RXRB: variants seen among roughly 807,000 people sequenced by gnomAD.
RXRB encodes the protein retinoid X receptor beta.
RXRB carries 18 observed loss-of-function variants against 52.5 expected under a neutral mutation model. The ratio of observed to expected loss-of-function variants is 0.34; its 90% CI spans 0.24 to 0.51. RXRB has a LOEUF of 0.51. Ranked by LOEUF, RXRB falls within the 20% of genes least tolerant of loss-of-function variation. RXRB has a pLI of 0.97. For synonymous variants in RXRB, 233 were observed against 267.1 expected, an observed-to-expected ratio of 0.87 and a Z score of 1.25; for missense variants, 455 against 698.2, an observed-to-expected ratio of 0.65 and a Z score of 3.92.
intron 1 of RXRB, chr6:33,199,964 A>G: frequency 1.3e-6 from 1 of 748,540 alleles, no homozygotes. Context: ...TCTGCCTGTA[A>G]ACGCCCAAAG....
rs987570959 is a variant in RXRB, at chr6:33,196,680, C to T, written c.821-74G>A. ...TGAAGGGGTTCCACAAATATCCTTACGGCCTCATCAGGATCTCATGGCCCT... is the reference window on the plus strand; with the variant it reads ...TGAAGGGGTTCCACAAATATCCTTATGGCCTCATCAGGATCTCATGGCCCT... On this transcript the variant is annotated intron_variant, in intron 4 of 9. Coordinates refer to ENST00000374680, the MANE Select transcript of RXRB (RefSeq NM_021976.5). This position sits in a 1 kb window ranked among gnomAD's most constrained non-coding sequence, Gnocchi z 4.0. 14 of 1,310,778 alleles carry T rather than the reference C, an allele frequency of 1.1e-5. No homozygotes were observed. The highest frequency in any genetic ancestry group is 4.6e-5 in the East Asian group (2 of 43,170). 81.2% of individuals were successfully genotyped at this position (1,310,778 alleles called of 1,614,324 possible).
At position 33,194,651 on chromosome 6, in the gene RXRB, A is replaced by G; in HGVS notation, c.*31T>C. 6.2e-7 allele frequency: 1 copy of G among 1,606,666 alleles called. No homozygotes were observed. Among genetic ancestry groups the G allele is most frequent in the East Asian group, 2.2e-5 (1 of 44,854 alleles). On this transcript the variant is annotated 3_prime_UTR_variant, in exon 10 of 10. Transcript: ENST00000374680. This position sits in a 1 kb window ranked among gnomAD's most constrained non-coding sequence, Gnocchi z 4.1. The stretch of plus-strand genomic sequence containing the variant: ...GTCCCTCTTGGATGTGTGCTCCTCC[A>G]GTGTGAGAAGCACCACGTCTGGGTC...
chr6:33,200,014 C>CG lies in RXRB; in HGVS notation c.235+227dup. ...AGGAATCGTGCCCTTCCCAGGCCCG[C>CG]GACCTCCGGTGCCCAAGGCCTCAAG... On this transcript the variant is annotated intron_variant, in intron 1 of 9. Coordinates refer to ENST00000374680, the MANE Select transcript of RXRB (RefSeq NM_021976.5). This position sits in a 1 kb window ranked among gnomAD's most constrained non-coding sequence, Gnocchi z 6.3. The CG allele has an allele frequency of 1.3e-6, 1 of 783,712 alleles. No individual in the cohort carries two copies. Among genetic ancestry groups the CG allele is most frequent in the Non-Finnish European group, 2.3e-6 (1 of 435,852 alleles). The allele number at this position is 783,712 out of a possible 1,614,324, so 48.5% of individuals were successfully genotyped here.
Position 33,194,992 on chromosome 6 carries a change from T to G in RXRB, c.1407A>C (p.Ala469=), listed in dbSNP as rs1272343575. 1 of 1,612,954 alleles carries G rather than the reference T, an allele frequency of 6.2e-7. No individual in the cohort carries two copies. The highest frequency in any genetic ancestry group is 1.7e-5 in the Admixed American group (1 of 60,028). The change falls in exon 9 of 10, where the codon GCA becomes GCC. Residue 469 remains alanine (A), a synonymous_variant. Coordinates refer to ENST00000374680, the MANE Select transcript of RXRB (RefSeq NM_021976.5). This position sits in a 1 kb window ranked among gnomAD's most constrained non-coding sequence, Gnocchi z 4.1. ...EVEVLREKVY[A]SLETYCKQKY... is the part of the protein sequence containing the mutation. ...TCTGTTTGCAGTAGGTCTCCAGTGA[T>G]GCATACACTTTCTCCCGCAGGACCT...
Sources: gnomAD v4.1 joint callset for allele counts on GRCh38, gnomAD v4.1.1 for gene constraint, Gnocchi (gnomAD v3.1) non-coding constraint, MANE v1.5 for transcripts, NCBI Gene and HGNC (gene_info 2026-07-23, HGNC 2026-07-21) for gene names.